EXOC6: variants seen among roughly 807,000 people sequenced by gnomAD.
The protein encoded by EXOC6 is exocyst complex component 6.
In EXOC6, 60 loss-of-function variants were observed where a neutral mutation model predicts 112.5. That is an observed-to-expected ratio of 0.53 (90% CI 0.43 to 0.66). EXOC6 has a LOEUF of 0.66. Ranked by LOEUF, EXOC6 falls within the 30% of genes least tolerant of loss-of-function variation. The pLI is 0.00. For missense variants in EXOC6, 855 were observed against 957.1 expected (o/e 0.89, Z 1.41); for synonymous variants, 295 against 308.0 (o/e 0.96, Z 0.44).
intron 8 of EXOC6, among the ~76,000 whole-genome samples, chr10:92,921,618 C>T (rs1211773608): frequency 2.0e-5 from 3 of 151,494 alleles, no homozygotes; most frequent in African/African-American, 7.3e-5. Context: ...TAGATTAATA[C>T]CCTTTTCTTT....
intron 17 of EXOC6, among the ~76,000 whole-genome samples, chr10:92,969,896 G>A (rs1842217992): frequency 6.6e-6 from 1 of 152,112 alleles, no homozygotes; most frequent in Admixed American, 6.6e-5. Context: ...GTTTCACCAT[G>A]TTGGCCAGGC....
chr10:92,952,730 T>C (rs2134010720), intron 15 of EXOC6, among the ~76,000 whole-genome samples: 1 of 152,326 alleles, frequency 6.6e-6, no homozygotes, highest in Middle Eastern at 3.4e-3. Context: ...TTAGTTTGCT[T>C]AGGATAATAG....
chr10:92,983,774 T>C (rs1212490202), intron 18 of EXOC6, among the ~76,000 whole-genome samples: 1 of 152,186 alleles, frequency 6.6e-6, no homozygotes, highest in East Asian at 1.9e-4. Context: ...CCCAAAGTGA[T>C]AGGATTATAG....
At chr10:92,828,851 G>T (rs1485609033) in intron 1 of EXOC6, among the ~76,000 whole-genome samples, 1 of 151,812 alleles carries the variant, frequency 6.6e-6, no homozygotes, top group Non-Finnish European at 1.5e-5. Context: ...TTTGCCAGGG[G>T]TGGGCCACTT....
intron 7 of EXOC6, among the ~76,000 whole-genome samples, chr10:92,918,624 G>C (rs867401359): frequency 6.6e-6 from 1 of 151,886 alleles, no homozygotes; most frequent in Admixed American, 6.6e-5. Flanking sequence ...GGGAACTGCC[G>C]TGTTGTCCAG....
chr10:93,055,436 C>A (rs1590124152), intron 20 of EXOC6, among the ~76,000 whole-genome samples: 1 of 152,006 alleles, frequency 6.6e-6, no homozygotes, highest in African/African-American at 2.4e-5. Flanking sequence ...AGTTGCATTC[C>A]AAGAAGTAGG....
chr10:93,020,209 C>T (rs925925930), intron 20 of EXOC6, among the ~76,000 whole-genome samples: 1 of 152,116 alleles, frequency 6.6e-6, no homozygotes, highest in African/African-American at 2.4e-5. Context: ...AGTCTCCAAA[C>T]TAATGTTTTC....
chr10:92,853,629 C>A (rs1405060463), intron 1 of EXOC6, among the ~76,000 whole-genome samples: 4 of 152,102 alleles, frequency 2.6e-5, no homozygotes, highest in Admixed American at 1.3e-4. Flanking sequence ...AAAGGCAATT[C>A]AGTAGAAAGA....
chr10:93,036,314 T>A (rs1458251515), intron 20 of EXOC6, among the ~76,000 whole-genome samples: 2 of 152,184 alleles, frequency 1.3e-5, no homozygotes, highest in East Asian at 3.8e-4. Context: ...GTAGTGTACA[T>A]TCGAACATGT....
intron 17 of EXOC6, among the ~76,000 whole-genome samples, chr10:92,972,109 G>T (rs1192835709): frequency 6.6e-6 from 1 of 152,176 alleles, no homozygotes; most frequent in Non-Finnish European, 1.5e-5. Context: ...AAGTCCCCTA[G>T]TCTTTGCCAA....
At chr10:92,914,652 G>A (rs1850983562) in intron 6 of EXOC6, among the ~76,000 whole-genome samples, 1 of 152,160 alleles carries the variant, frequency 6.6e-6, no homozygotes, top group Admixed American at 6.5e-5. Context: ...TCCAGTACCA[G>A]CCTCTAGGGG....
chr10:92,987,570 A>G, intron 18 of EXOC6: 3 of 951,384 alleles, frequency 3.2e-6, no homozygotes, highest in Non-Finnish European at 3.8e-6. Flanking sequence ...ATTAGAATAC[A>G]TTTTCCTTTT....
intron 15 of EXOC6, among the ~76,000 whole-genome samples, chr10:92,953,624 A>G (rs1019762455): frequency 6.6e-6 from 1 of 152,184 alleles, no homozygotes; most frequent in Non-Finnish European, 1.5e-5. Flanking sequence ...ACAAAGAATT[A>G]TCCACCCTAA....
chr10:93,021,726 G>GT (rs1844803688), intron 20 of EXOC6, among the ~76,000 whole-genome samples: 1 of 152,214 alleles, frequency 6.6e-6, no homozygotes, highest in African/African-American at 2.4e-5. Context: ...TCCTACTGGT[G>GT]TAAGTTGCAA....
chr10:92,834,693 T>C, upstream of EXOC6: 2 of 1,462,304 alleles, frequency 1.4e-6, no homozygotes, highest in Non-Finnish European at 1.9e-6. Flanking sequence ...AGTTTTTCAC[T>C]CAATATCTGA....
chr10:92,892,613 C>T (rs537134703), intron 1 of EXOC6, among the ~76,000 whole-genome samples: 1 of 152,330 alleles, frequency 6.6e-6, no homozygotes, highest in East Asian at 1.9e-4. Context: ...AAAGAAGACA[C>T]TTACCAGGCA....
At chr10:92,981,507 T>G (rs1842824400) in intron 18 of EXOC6, among the ~76,000 whole-genome samples, 1 of 152,250 alleles carries the variant, frequency 6.6e-6, no homozygotes, top group Non-Finnish European at 1.5e-5. Context: ...AGGTACCCAA[T>G]TTATGCAAAT....
At chr10:92,832,692 C>CTT (rs11396161), upstream of EXOC6, among the ~76,000 whole-genome samples, 144 of 145,274 alleles carry the variant, frequency 9.9e-4, no homozygotes, top group African/African-American at 1.4e-3. Context: ...ACATAAAGAA[C>CTT]TTTTTTTTTT....
chr10:92,946,918 A>G (rs953002639), intron 13 of EXOC6, among the ~76,000 whole-genome samples: 9 of 152,012 alleles, frequency 5.9e-5, no homozygotes, highest in African/African-American at 1.9e-4. Flanking sequence ...CTGTTTCTGA[A>G]CCTTGTACTT....
Sources: allele counts gnomAD v4.1 joint callset (sites outside exome capture counted in the v4.1 genomes callset), GRCh38; gene constraint gnomAD v4.1.1; transcripts MANE v1.5; gene names NCBI Gene and HGNC (gene_info 2026-07-23, HGNC 2026-07-21).